Variants in POU6F2 observed in about 807,000 individuals in gnomAD.
POU6F2 encodes the protein POU class 6 homeobox 2.
A neutral mutation model predicts 71.3 loss-of-function variants in POU6F2; 31 were observed. That is an observed-to-expected ratio of 0.43 (90% CI 0.33 to 0.59). The LOEUF is 0.59. Among genes scored for constraint, POU6F2 ranks in the 20% least tolerant of loss-of-function variants. POU6F2 has a pLI of 0.04. For synonymous variants in POU6F2, 347 were observed against 355.7 expected (o/e 0.98, Z 0.27); for missense variants, 783 against 856.8 (o/e 0.91, Z 1.07).
intron 4 of POU6F2, among the ~76,000 whole-genome samples, chr7:39,277,436 A>G (rs954102797): frequency 2.0e-5 from 3 of 151,942 alleles, no homozygotes; most frequent in Non-Finnish European, 2.9e-5. Flanking sequence ...CCCAGCATCT[A>G]TTGTTCCCAT....
At chr7:39,386,831 G>A (rs1437257645) in intron 5 of POU6F2, among the ~76,000 whole-genome samples, 5 of 152,086 alleles carry the variant, frequency 3.3e-5, no homozygotes, top group East Asian at 3.8e-4. Context: ...TGTCTTCAAC[G>A]CACACACAAA....
intron 5 of POU6F2, among the ~76,000 whole-genome samples, chr7:39,382,968 G>C (rs1051770053): frequency 6.6e-6 from 1 of 152,140 alleles, no homozygotes; most frequent in African/African-American, 2.4e-5. Context: ...GGTGTGGAAA[G>C]GTAATGAATA....
intron 5 of POU6F2, among the ~76,000 whole-genome samples, chr7:39,377,549 C>T (rs1484613972): frequency 6.6e-6 from 1 of 152,146 alleles, no homozygotes; most frequent in Non-Finnish European, 1.5e-5. Flanking sequence ...CCAAGATTTG[C>T]CAAAGCATAT....
chr7:39,266,694 C>CGTT (rs1347589651), intron 4 of POU6F2, among the ~76,000 whole-genome samples: 1 of 35,620 alleles, frequency 2.8e-5, no homozygotes, highest in Admixed American at 4.2e-4. Context: ...CCGCACCTGG[C>CGTT]CTTTTTTTTT....
Position 39,464,691 on chromosome 7 carries a change from A to G in POU6F2, c.*5A>G. 2 of 1,590,388 alleles carry G rather than the reference A, an allele frequency of 1.3e-6. No homozygotes were observed. The highest frequency in any genetic ancestry group is 1.3e-5 in the African/African-American group (1 of 74,442). On this transcript the variant is annotated 3_prime_UTR_variant, in exon 10 of 10. Coordinates refer to ENST00000518318, the MANE Select transcript of POU6F2 (RefSeq NM_001370959.1). This position sits in a 1 kb window ranked among gnomAD's most constrained non-coding sequence, Gnocchi z 4.1. ...TCTCTGGAAGAAAACTCCTAAAGAG[A>G]TGCCCACCCATAATCAGAAGCAAAA...
At chr7:39,109,559 AGCTTATTCTCTT>A in intron 2 of POU6F2, among the ~76,000 whole-genome samples, 1 of 152,134 alleles carries the variant, frequency 6.6e-6, no homozygotes, top group Admixed American at 6.5e-5. Flanking sequence ...TGGAGATTTT[AGCTTATTCTCTT>A]AAGTTAGTCC....
intron 4 of POU6F2, among the ~76,000 whole-genome samples, chr7:39,244,842 C>G (rs368195193): frequency 2.4e-4 from 37 of 152,176 alleles, no homozygotes; most frequent in African/African-American, 8.4e-4. Context: ...CACAGCTGCC[C>G]CTTACCCAGA....
chr7:39,161,752 C>T lies in POU6F2; in HGVS notation c.278-42483C>T, dbSNP rs375871194. 7.2e-5 allele frequency among the ~76,000 whole-genome samples: 11 copies of T among 152,058 alleles called. No homozygotes were observed. The South Asian group carries it at 1.0e-3, about 14-fold the overall frequency. On this transcript the variant is annotated intron_variant, in intron 2 of 9. Transcript: ENST00000518318. ...ACTATGCAAATCAGGGAAGAACATC[C>T]GGAGACAGAATAATGAAGAATAAGG... is the stretch of plus-strand genomic sequence containing the variant.
intron 2 of POU6F2, among the ~76,000 whole-genome samples, chr7:39,184,576 G>C (rs1346917607): frequency 6.6e-6 from 1 of 152,140 alleles, no homozygotes; most frequent in African/African-American, 2.4e-5. Context: ...ATCCAGCAGG[G>C]CTCTTTGGAC....
At chr7:39,012,353 G>T (rs1149537) in intron 1 of POU6F2, among the ~76,000 whole-genome samples, 25,314 of 151,336 alleles carry the variant, frequency 0.17, 2,629 homozygotes, top group Non-Finnish European at 0.24. Flanking sequence ...CGTAGTTCTC[G>T]AGCCTTGGTT....
chr7:39,236,509 G>A (rs1794679804), intron 4 of POU6F2, among the ~76,000 whole-genome samples: 1 of 152,062 alleles, frequency 6.6e-6, no homozygotes, highest in Non-Finnish European at 1.5e-5. Flanking sequence ...TGATGCTGCC[G>A]CTTTTCATTT....
chr7:39,397,814 G>GTATATA (rs150006644), intron 5 of POU6F2, among the ~76,000 whole-genome samples: 3,358 of 128,320 alleles, frequency 0.026, 124 homozygotes, highest in African/African-American at 0.058. Context: ...TATATTTTGT[G>GTATATA]TATATATATA....
chr7:39,459,723 C>T (rs777544597), intron 8 of POU6F2, among the ~76,000 whole-genome samples: 4 of 152,120 alleles, frequency 2.6e-5, no homozygotes, highest in Admixed American at 6.5e-5. Flanking sequence ...TGAAATCTTC[C>T]ACCATCCCCA....
chr7:39,258,530 G>C (rs1041132945), intron 4 of POU6F2, among the ~76,000 whole-genome samples: 2 of 152,032 alleles, frequency 1.3e-5, no homozygotes, highest in African/African-American at 4.8e-5. Flanking sequence ...CCTTTTTCCT[G>C]GTTGCTTCAT....
chr7:39,414,216 TCAGAA>T (rs1787619629), intron 6 of POU6F2, among the ~76,000 whole-genome samples: 1 of 152,202 alleles, frequency 6.6e-6, no homozygotes, highest in South Asian at 2.1e-4. Flanking sequence ...GTGATTTAAA[TCAGAA>T]CAGAACCTCT....
intron 5 of POU6F2, among the ~76,000 whole-genome samples, chr7:39,400,586 G>C (rs1266279036): frequency 1.3e-5 from 2 of 152,180 alleles, no homozygotes; most frequent in African/African-American, 2.4e-5. Flanking sequence ...CCTTCCCATA[G>C]GGTGGGACAA....
chr7:39,438,732 T>C (rs6947866), intron 7 of POU6F2, among the ~76,000 whole-genome samples: 51,209 of 152,134 alleles, frequency 0.34, 9,628 homozygotes, highest in East Asian at 0.58. Context: ...GAGACTGTTA[T>C]GATTTCAGTT....
chr7:39,181,063 C>T (rs182654684), intron 2 of POU6F2, among the ~76,000 whole-genome samples: 52 of 152,300 alleles, frequency 3.4e-4, no homozygotes, highest in African/African-American at 1.1e-3. Context: ...GTCCTGTTTG[C>T]AGAAAGCATC....
chr7:39,349,513 A>C (rs935392576), intron 5 of POU6F2, among the ~76,000 whole-genome samples: 13 of 152,038 alleles, frequency 8.6e-5, no homozygotes, highest in African/African-American at 3.1e-4. Flanking sequence ...TTGACTGAGG[A>C]ATTTCCAATG....
Sources: allele counts gnomAD v4.1 joint callset (sites outside exome capture counted in the v4.1 genomes callset), GRCh38; gene constraint gnomAD v4.1.1; non-coding constraint Gnocchi (gnomAD v3.1); transcripts MANE v1.5; gene names NCBI Gene and HGNC (gene_info 2026-07-23, HGNC 2026-07-21).